PTPRO: variants seen among roughly 807,000 people sequenced by gnomAD.
The protein encoded by PTPRO is receptor-type tyrosine-protein phosphatase O.
PTPRO carries 62 observed loss-of-function variants against 145.2 expected under a neutral mutation model. That is an observed-to-expected ratio of 0.43 (90% CI 0.35 to 0.53). The LOEUF (loss-of-function observed/expected upper bound fraction) is 0.53. Ranked by LOEUF, PTPRO falls within the 20% of genes least tolerant of loss-of-function variation. The pLI, the probability that PTPRO is intolerant of heterozygous loss-of-function variation, is 0.01. For missense variants in PTPRO, 1,345 were observed against 1,482.7 expected (o/e 0.91, Z 1.53); for synonymous variants, 565 against 514.7 (o/e 1.10, Z -1.32).
At chr12:15,399,260 T>A (rs1939424854) in intron 1 of PTPRO, among the ~76,000 whole-genome samples, 1 of 152,248 alleles carries the variant, frequency 6.6e-6, no homozygotes, top group Non-Finnish European at 1.5e-5. Flanking sequence ...GCCAAGGCAC[T>A]ATTCTGAGCT....
chr12:15,450,981 T>C (rs1941031304), intron 1 of PTPRO, among the ~76,000 whole-genome samples: 1 of 151,982 alleles, frequency 6.6e-6, no homozygotes. Context: ...GTACCTCCCA[T>C]CTCAATACTA....
chr12:15,577,112 G>C (rs1944203517), intron 19 of PTPRO, among the ~76,000 whole-genome samples: 1 of 152,138 alleles, frequency 6.6e-6, no homozygotes, highest in South Asian at 2.1e-4. Context: ...AAATATATTT[G>C]GCAAGTAAGT....
rs1942373460 is a variant in PTPRO, at chr12:15,508,674, A to G, written c.1371A>G (p.Gln457=). Residue 457 remains glutamine, a synonymous_variant, in exon 7 of 27, where the codon CAA becomes CAG. Transcript: ENST00000281171. ...CCTTGATGTCCTGGACATCTTCCCA[A>G]GAGAACTACAACAGCACCATTGTGT... ...TTALMSWTSS[Q]ENYNSTIVSV... The G allele has an allele frequency of 1.2e-6, 2 of 1,614,134 alleles. No individual in the cohort carries two copies. The highest frequency in any genetic ancestry group is 1.7e-6 in the Non-Finnish European group (2 of 1,180,002).
chr12:15,430,669 G>A (rs1159330704), intron 1 of PTPRO, among the ~76,000 whole-genome samples: 1 of 152,096 alleles, frequency 6.6e-6, no homozygotes, highest in Non-Finnish European at 1.5e-5. Context: ...CATCATGGAT[G>A]CTTAGTAACA....
At chr12:15,501,160 A>G (rs985915350) in intron 4 of PTPRO, among the ~76,000 whole-genome samples, 1 of 152,216 alleles carries the variant, frequency 6.6e-6, no homozygotes, top group Non-Finnish European at 1.5e-5. Flanking sequence ...AAGGCAACAC[A>G]TGTATGCAAC....
intron 1 of PTPRO, among the ~76,000 whole-genome samples, chr12:15,469,898 T>G (rs913211046): frequency 6.6e-6 from 1 of 152,174 alleles, no homozygotes; most frequent in Non-Finnish European, 1.5e-5. Flanking sequence ...TATCGGATCC[T>G]TGGATGGAAA....
At chr12:15,530,136 T>C (rs1942931533) in intron 12 of PTPRO, among the ~76,000 whole-genome samples, 1 of 151,990 alleles carries the variant, frequency 6.6e-6, no homozygotes, top group Admixed American at 6.5e-5. Context: ...ACAAAGAGGG[T>C]TACTATATAA....
At chr12:15,423,021 T>G (rs1046090591) in intron 1 of PTPRO, among the ~76,000 whole-genome samples, 7 of 152,194 alleles carry the variant, frequency 4.6e-5, no homozygotes, top group Admixed American at 6.5e-5. Context: ...TTTATGTGTT[T>G]GTTTAACTTT....
At chr12:15,461,615 T>A (rs1247795986) in intron 1 of PTPRO, among the ~76,000 whole-genome samples, 1 of 137,106 alleles carries the variant, frequency 7.3e-6, no homozygotes, top group Non-Finnish European at 1.5e-5. Context: ...GTCGCCAGGC[T>A]GGAGTACAGT....
chr12:15,473,917 AG>A (rs1161770692), intron 1 of PTPRO, among the ~76,000 whole-genome samples: 3 of 152,148 alleles, frequency 2.0e-5, no homozygotes, highest in Non-Finnish European at 2.9e-5. Flanking sequence ...CATGAGTTTT[AG>A]CAATTAGCCC....
At chr12:15,590,485 A>T (rs1944525934) in intron 25 of PTPRO, among the ~76,000 whole-genome samples, 2 of 152,148 alleles carry the variant, frequency 1.3e-5, no homozygotes, top group Admixed American at 1.3e-4. Context: ...GGGTATTTTT[A>T]AAATGCTTTG....
intron 1 of PTPRO, among the ~76,000 whole-genome samples, chr12:15,362,335 C>T (rs1371759276): frequency 6.6e-6 from 1 of 152,116 alleles, no homozygotes; most frequent in South Asian, 2.1e-4. Flanking sequence ...TGAGTCCCTG[C>T]GTGTTATTCC....
Position 15,322,587 on chromosome 12 carries a change from G to A in PTPRO, c.-140G>A. The A allele has an allele frequency of 2.7e-6, 2 of 728,988 alleles. No individual in the cohort carries two copies. The highest frequency in any genetic ancestry group is 4.9e-6 in the Non-Finnish European group (2 of 405,080). The allele number at this position is 728,988 out of a possible 1,614,324, so 45.2% of individuals were successfully genotyped here. ...GGAGGAAAGGGAGCAGGCGCAGGGG[G>A]ACTGGAAAGGCAGCATGCGCTCGCC... On this transcript the variant is annotated 5_prime_UTR_variant, in exon 1 of 27. Coordinates refer to ENST00000281171, the MANE Select transcript of PTPRO (RefSeq NM_030667.3). This position sits in a 1 kb window ranked among gnomAD's most constrained non-coding sequence, Gnocchi z 6.3.
rs1944674719 is a variant in PTPRO at position 15,597,127 on chromosome 12, C to CA, written c.*1055dup. The CA allele has an allele frequency of 6.6e-6, 1 of 152,382 alleles. No individual in the cohort carries two copies. The highest frequency in any genetic ancestry group is 1.5e-5 in the Non-Finnish European group (1 of 68,026). 9.4% of individuals were successfully genotyped at this position (152,382 alleles called of 1,614,324 possible). On this transcript the variant is annotated 3_prime_UTR_variant, in exon 27 of 27. Transcript: ENST00000281171. ...TGTCAAATGTCTCTATGGATTCTGA[C>CA]AGAGATTTCTTTTTGTTTTGTTATT...
chr12:15,514,469 A>G (rs12425526), intron 7 of PTPRO, among the ~76,000 whole-genome samples: 38,447 of 145,028 alleles, frequency 0.27, 5,762 homozygotes, highest in Admixed American at 0.39. Context: ...AAAAAAAAAA[A>G]AAAAGAAAGA....
intron 26 of PTPRO, chr12:15,595,734 A>G (rs1944646360): frequency 6.5e-6 from 1 of 154,336 alleles, no homozygotes; most frequent in East Asian, 1.9e-4. Context: ...AGAGGAGCCA[A>G]TGACAGGGTA....
Position 15,339,612 on chromosome 12 carries a change from G to A in PTPRO, c.75+16811G>A, listed in dbSNP as rs1866900169. On this transcript the variant is annotated intron_variant, in intron 1 of 26. Coordinates refer to ENST00000281171, the MANE Select transcript of PTPRO (RefSeq NM_030667.3). Reference sequence around the variant, plus strand: ...GGGTAGTTCAGTAAATTAGTCCCTAGACTTAAACTCCCCTGGATCATGTTG... The same window carrying A: ...GGGTAGTTCAGTAAATTAGTCCCTAAACTTAAACTCCCCTGGATCATGTTG... 3.3e-5 allele frequency among the ~76,000 whole-genome samples: 5 copies of A among 152,086 alleles called. No homozygotes were observed. The South Asian group carries it at 1.0e-3, about 31-fold the overall frequency.
intron 1 of PTPRO, among the ~76,000 whole-genome samples, chr12:15,334,928 C>T (rs1866713086): frequency 6.6e-6 from 1 of 152,202 alleles, no homozygotes; most frequent in East Asian, 1.9e-4. Flanking sequence ...ACACAAGTCT[C>T]TTTCTGTCTC....
intron 12 of PTPRO, among the ~76,000 whole-genome samples, chr12:15,534,324 G>C (rs1206287885): frequency 6.6e-6 from 1 of 152,168 alleles, no homozygotes; most frequent in African/African-American, 2.4e-5. Context: ...ACAGGAATGA[G>C]ACGTGTTGGA....
Sources: allele counts gnomAD v4.1 joint callset (sites outside exome capture counted in the v4.1 genomes callset), GRCh38; gene constraint gnomAD v4.1.1; non-coding constraint Gnocchi (gnomAD v3.1); transcripts MANE v1.5; gene names NCBI Gene and HGNC (gene_info 2026-07-23, HGNC 2026-07-21).